Variants in JAZF1 observed in about 807,000 individuals in gnomAD.
The protein encoded by JAZF1 is JAZF zinc finger 1.
JAZF1 carries 8 observed loss-of-function variants against 26.4 expected under a neutral mutation model. That is an observed-to-expected ratio of 0.30 (90% CI 0.18 to 0.55). The LOEUF (loss-of-function observed/expected upper bound fraction) is 0.55. Among genes scored for constraint, JAZF1 ranks in the 20% least tolerant of loss-of-function variants. The pLI is 0.94. For synonymous variants in JAZF1, 126 were observed against 122.3 expected, an observed-to-expected ratio of 1.03 and a Z score of -0.20; for missense variants, 199 against 322.0, an observed-to-expected ratio of 0.62 and a Z score of 2.92.
intron 4 of JAZF1, among the ~76,000 whole-genome samples, chr7:27,838,120 C>G (rs577416394): frequency 2.0e-5 from 3 of 151,332 alleles, no homozygotes; most frequent in African/African-American, 7.3e-5. Flanking sequence ...GTTGAAGATG[C>G]TGTATAAGCT....
chr7:28,008,342 A>C lies in JAZF1; in HGVS notation c.116-16361T>G, dbSNP rs138501299. 4.1e-3 allele frequency among the ~76,000 whole-genome samples: 631 copies of C among 152,174 alleles called. 10 individuals carry two copies. The highest frequency in any genetic ancestry group is 0.015 in the African/African-American group (603 of 41,510). The stretch of plus-strand genomic sequence containing the variant: ...GAGATCCTCCCACCTCAGCTTCCTG[A>C]GTGGCTGGGACTACAGGCGTGCACC... On this transcript the variant is annotated intron_variant, in intron 1 of 4. Transcript: ENST00000283928.
intron 1 of JAZF1, among the ~76,000 whole-genome samples, chr7:28,099,890 T>C (rs57204544): frequency 0.037 from 5,567 of 152,294 alleles, 315 homozygotes; most frequent in African/African-American, 0.12. Flanking sequence ...ATTTCAGTGC[T>C]TGGAGCTATA....
At chr7:28,004,826 T>C (rs1175478525) in intron 1 of JAZF1, among the ~76,000 whole-genome samples, 1 of 152,134 alleles carries the variant, frequency 6.6e-6, no homozygotes, top group Non-Finnish European at 1.5e-5. Context: ...CTAATTTTTG[T>C]ATTTTTAGTA....
At chr7:28,081,458 C>A (rs1784135765) in intron 1 of JAZF1, among the ~76,000 whole-genome samples, 1 of 152,120 alleles carries the variant, frequency 6.6e-6, no homozygotes, top group African/African-American at 2.4e-5. Flanking sequence ...ATAACCAGCA[C>A]CAAAAAACAG....
chr7:27,999,722 G>A (rs1786094164), intron 1 of JAZF1, among the ~76,000 whole-genome samples: 1 of 152,134 alleles, frequency 6.6e-6, no homozygotes, highest in Non-Finnish European at 1.5e-5. Flanking sequence ...TAAATAATCA[G>A]TGTCCATGAT....
chr7:27,989,116 G>A (rs1314687785), intron 2 of JAZF1, among the ~76,000 whole-genome samples: 11 of 151,924 alleles, frequency 7.2e-5, no homozygotes, highest in Admixed American at 5.9e-4. Flanking sequence ...ACAGAACAGA[G>A]CCCTCAGAAA....
intron 3 of JAZF1, among the ~76,000 whole-genome samples, chr7:27,866,292 A>C (rs1354593362): frequency 2.0e-5 from 3 of 152,240 alleles, no homozygotes; most frequent in Admixed American, 6.5e-5. Flanking sequence ...AAAGGTGCAC[A>C]CAGAACGGCT....
At chr7:27,956,732 C>T (rs893460246) in intron 2 of JAZF1, among the ~76,000 whole-genome samples, 18 of 152,122 alleles carry the variant, frequency 1.2e-4, no homozygotes, top group Admixed American at 6.5e-5. Context: ...GGTGAAAATG[C>T]GGTCATGCCA....
At chr7:28,122,908 G>A (rs927347997) in intron 1 of JAZF1, among the ~76,000 whole-genome samples, 3 of 152,080 alleles carry the variant, frequency 2.0e-5, no homozygotes, top group Admixed American at 1.3e-4. Flanking sequence ...TTTCAGCCTC[G>A]ATGAAATTCT....
intron 1 of JAZF1, among the ~76,000 whole-genome samples, chr7:28,133,016 A>C (rs1474272304): frequency 6.6e-6 from 1 of 152,232 alleles, no homozygotes; most frequent in Non-Finnish European, 1.5e-5. Context: ...TAAGCACAGA[A>C]GCAAACCACC....
At chr7:27,949,544 T>C (rs1232679860) in intron 2 of JAZF1, among the ~76,000 whole-genome samples, 1 of 152,134 alleles carries the variant, frequency 6.6e-6, no homozygotes, top group East Asian at 1.9e-4. Flanking sequence ...AGGTGGATCA[T>C]GTGAGGTCAG....
At chr7:28,154,391 GACTCTTCTAGTACTTA>G in intron 1 of JAZF1, among the ~76,000 whole-genome samples, 1 of 152,296 alleles carries the variant, frequency 6.6e-6, no homozygotes, top group South Asian at 2.1e-4. Flanking sequence ...GACCACTAAT[GACTCTTCTAGTACTTA>G]AGATATGATC....
chr7:28,145,432 C>A (rs1783012863), intron 1 of JAZF1, among the ~76,000 whole-genome samples: 1 of 152,210 alleles, frequency 6.6e-6, no homozygotes, highest in Non-Finnish European at 1.5e-5. Flanking sequence ...GCTGACTCTG[C>A]AGCTTAATCA....
chr7:27,882,871 A>G lies in JAZF1; in HGVS notation c.385+12349T>C, dbSNP rs1235736926. ...GGAGAAAAGGTGTCTTTGGAAATAT[A>G]TGAGTTTGTCTGGGCTGTGAATTCT... On this transcript the variant is annotated intron_variant, in intron 3 of 4. Coordinates refer to ENST00000283928, the MANE Select transcript of JAZF1 (RefSeq NM_175061.4). 3.3e-5 allele frequency among the ~76,000 whole-genome samples: 5 copies of G among 152,228 alleles called. No homozygotes were observed. The East Asian group carries it at 9.6e-4, about 29-fold the overall frequency.
At chr7:28,177,646 A>G (rs554359949) in intron 1 of JAZF1, among the ~76,000 whole-genome samples, 1 of 152,342 alleles carries the variant, frequency 6.6e-6, no homozygotes, top group South Asian at 2.1e-4. Flanking sequence ...ATTAAAAGCA[A>G]AATAACACAC....
intron 1 of JAZF1, among the ~76,000 whole-genome samples, chr7:28,117,142 T>G (rs577161534): frequency 7.2e-4 from 109 of 152,362 alleles, no homozygotes; most frequent in Non-Finnish European, 1.0e-3. Context: ...GGAGGTTAAC[T>G]GTCCACTGCA....
At chr7:27,904,741 A>G (rs1583456733) in intron 2 of JAZF1, among the ~76,000 whole-genome samples, 1 of 60,950 alleles carries the variant, frequency 1.6e-5, no homozygotes, top group Non-Finnish European at 3.5e-5. Context: ...CAGCACCAGG[A>G]AAAAAAACCC....
chr7:27,901,825 T>G (rs1421203717), intron 2 of JAZF1, among the ~76,000 whole-genome samples: 1 of 152,232 alleles, frequency 6.6e-6, no homozygotes, highest in East Asian at 1.9e-4. Flanking sequence ...TTTATGGATA[T>G]ATGGAATACA....
intron 1 of JAZF1, among the ~76,000 whole-genome samples, chr7:28,156,102 G>A (rs191316124): frequency 6.6e-5 from 10 of 152,300 alleles, no homozygotes; most frequent in African/African-American, 2.4e-4. Flanking sequence ...CAAGAGTTAT[G>A]CAACAACATA....
Sources: gnomAD v4.1 joint callset for allele counts (sites outside exome capture counted in the v4.1 genomes callset) on GRCh38, gnomAD v4.1.1 for gene constraint, MANE v1.5 for transcripts, NCBI Gene and HGNC (gene_info 2026-07-23, HGNC 2026-07-21) for gene names.